The following CDH18 variants were observed in gnomAD, a reference collection of about 807,000 sequenced individuals.
CDH18 encodes cadherin 18, also known as cadherin-18.
CDH18 carries 31 observed loss-of-function variants against 67.9 expected under a neutral mutation model. The observed-to-expected ratio is 0.46, with a 90% confidence interval of 0.34 to 0.62. The LOEUF is 0.62. Among genes scored for constraint, CDH18 ranks in the 20% least tolerant of loss-of-function variants. The pLI is 0.01. For synonymous variants in CDH18, 362 were observed against 347.2 expected, an observed-to-expected ratio of 1.04 and a Z score of -0.48; for missense variants, 890 against 975.5, an observed-to-expected ratio of 0.91 and a Z score of 1.17.
At chr5:20,267,926 T>C (rs1049689829) in intron 1 of CDH18, among the ~76,000 whole-genome samples, 2 of 152,164 alleles carry the variant, frequency 1.3e-5, no homozygotes, top group African/African-American at 4.8e-5. Context: ...AGCCAATAGG[T>C]AGTTTCTCGG....
intron 8 of CDH18, among the ~76,000 whole-genome samples, chr5:19,547,705 T>G (rs1299072581): frequency 6.6e-6 from 1 of 152,206 alleles, no homozygotes; most frequent in Non-Finnish European, 1.5e-5. Flanking sequence ...CTGCTAGGCA[T>G]GCATCTTTAG....
intron 2 of CDH18, among the ~76,000 whole-genome samples, chr5:20,207,888 A>C (rs1740037041): frequency 6.6e-6 from 1 of 152,182 alleles, no homozygotes; most frequent in Non-Finnish European, 1.5e-5. Flanking sequence ...ACAAAACTGG[A>C]GGAATCAGAC....
At chr5:20,444,004 T>A (rs1749821798) in intron 1 of CDH18, among the ~76,000 whole-genome samples, 1 of 151,990 alleles carries the variant, frequency 6.6e-6, no homozygotes, top group Non-Finnish European at 1.5e-5. Context: ...ACTTAATCTC[T>A]GTAGGCATCA....
chr5:19,852,483 G>C (rs1236098149), intron 2 of CDH18, among the ~76,000 whole-genome samples: 1 of 151,840 alleles, frequency 6.6e-6, no homozygotes, highest in African/African-American at 2.4e-5. Flanking sequence ...TGTAGGTCTG[G>C]GCCATGAGGA....
In CDH18 at chr5:20,421,843, C is replaced by T. The variant is rs1316222347; in HGVS notation, c.-580+153619G>A. ...TATATCAATCATATATATATATATA[C>T]ACATGTATACACACATACATGTAAA... On this transcript the variant is annotated intron_variant, in intron 1 of 14. Coordinates refer to the CDH18 transcript ENST00000507958. Among the ~76,000 whole-genome samples, 9 of 144,794 alleles carry T rather than the reference C, an allele frequency of 6.2e-5. No homozygotes were observed. The South Asian group carries it at 1.6e-3, about 25-fold the overall frequency. The allele number at this position is 144,794 out of a possible 152,430, so 95.0% of individuals were successfully genotyped here. A position where few individuals can be genotyped will look rare whatever the true frequency, so the allele number is the denominator to read the frequency against.
intron 1 of CDH18, among the ~76,000 whole-genome samples, chr5:20,301,531 A>G (rs1396895735): frequency 1.3e-5 from 2 of 152,172 alleles, no homozygotes; most frequent in Non-Finnish European, 2.9e-5. Context: ...GGGACAAATC[A>G]GTATCTACTC....
intron 5 of CDH18, among the ~76,000 whole-genome samples, chr5:19,636,238 C>A (rs979125616): frequency 1.8e-4 from 28 of 151,730 alleles, no homozygotes; most frequent in African/African-American, 5.8e-4. Flanking sequence ...TTTCAATTGA[C>A]ACAAAATTGT....
chr5:19,632,399 A>C (rs1307326011), intron 5 of CDH18, among the ~76,000 whole-genome samples: 2 of 152,176 alleles, frequency 1.3e-5, no homozygotes, highest in Non-Finnish European at 2.9e-5. Flanking sequence ...AACTGGATGC[A>C]TTTATAACCA....
chr5:20,155,636 A>G (rs1039735208), intron 2 of CDH18, among the ~76,000 whole-genome samples: 5 of 152,070 alleles, frequency 3.3e-5, no homozygotes, highest in African/African-American at 1.2e-4. Context: ...ACTTAATCAT[A>G]AATTCTTTGG....
chr5:20,152,280 TTA>T (rs1010720780), intron 2 of CDH18, among the ~76,000 whole-genome samples: 2 of 146,662 alleles, frequency 1.4e-5, no homozygotes, highest in African/African-American at 2.5e-5. Context: ...AACTATATAA[TTA>T]TATATATATT....
chr5:20,277,450 C>T (rs1745895088), intron 1 of CDH18, among the ~76,000 whole-genome samples: 1 of 152,168 alleles, frequency 6.6e-6, no homozygotes. Flanking sequence ...CATTACTGGG[C>T]TTTGGGTGCC....
chr5:19,968,477 A>T (rs1797696065), intron 2 of CDH18, among the ~76,000 whole-genome samples: 1 of 152,214 alleles, frequency 6.6e-6, no homozygotes, highest in African/African-American at 2.4e-5. Flanking sequence ...ATAGCATGGT[A>T]CTGGTACCAA....
At chr5:19,762,085 A>C (rs1042089754) in intron 3 of CDH18, among the ~76,000 whole-genome samples, 1 of 152,186 alleles carries the variant, frequency 6.6e-6, no homozygotes, top group African/African-American at 2.4e-5. Context: ...TTACACAAAA[A>C]TTAATTCAAG....
intron 3 of CDH18, among the ~76,000 whole-genome samples, chr5:19,763,741 G>T (rs1772677257): frequency 6.6e-6 from 1 of 152,018 alleles, no homozygotes; most frequent in Non-Finnish European, 1.5e-5. Flanking sequence ...TAGTTTAGAA[G>T]CCTGTAATAC....
At chr5:19,559,013 G>T (rs1258669956) in intron 8 of CDH18, among the ~76,000 whole-genome samples, 1 of 152,002 alleles carries the variant, frequency 6.6e-6, no homozygotes, top group Non-Finnish European at 1.5e-5. Flanking sequence ...GTTCTCTTTT[G>T]TATGTCTGTG....
chr5:19,477,647 A>T (rs933034011), intron 12 of CDH18, among the ~76,000 whole-genome samples: 1 of 152,102 alleles, frequency 6.6e-6, no homozygotes, highest in African/African-American at 2.4e-5. Flanking sequence ...GATAATAATT[A>T]TACATATAAA....
At chr5:19,716,992 A>G (rs1765420924) in intron 5 of CDH18, among the ~76,000 whole-genome samples, 3 of 152,094 alleles carry the variant, frequency 2.0e-5, no homozygotes, top group Admixed American at 6.6e-5. Context: ...AAAAAAACCC[A>G]CTATGAGAAT....
chr5:20,034,937 C>A (rs183094111), intron 2 of CDH18, among the ~76,000 whole-genome samples: 3 of 152,186 alleles, frequency 2.0e-5, no homozygotes, highest in African/African-American at 7.2e-5. Context: ...CTTCCAGGAA[C>A]TTTATATTAA....
chr5:19,543,778 T>C (rs924275744), intron 9 of CDH18, 91 bp downstream of exon 9: 5 of 863,038 alleles, frequency 5.8e-6, no homozygotes, highest in Middle Eastern at 3.0e-4. Context: ...ATATCAAAAA[T>C]AAAGATTATG....
Sources: allele counts gnomAD v4.1 joint callset (sites outside exome capture counted in the v4.1 genomes callset), GRCh38; gene constraint gnomAD v4.1.1; transcripts MANE v1.5; gene names NCBI Gene and HGNC (gene_info 2026-07-23, HGNC 2026-07-21).